FAM204A: variants seen among roughly 807,000 people sequenced by gnomAD.
The protein encoded by FAM204A is family with sequence similarity 204 member A.
Under a neutral mutation model 35.4 loss-of-function variants are expected in FAM204A, and 16 were observed. The observed-to-expected ratio is 0.45, with a 90% confidence interval of 0.31 to 0.69. The LOEUF (loss-of-function observed/expected upper bound fraction) is 0.69. FAM204A is among the 30% of genes least tolerant of loss of function. The probability of loss-of-function intolerance (pLI) is 0.07; values close to 1 mark genes in which losing one functional copy is unlikely to be tolerated. For synonymous variants in FAM204A, 76 were observed against 86.9 expected (o/e 0.88, Z 0.70); for missense variants, 240 against 265.7 (o/e 0.90, Z 0.67).
intron 6 of FAM204A, among the ~76,000 whole-genome samples, chr10:118,327,792 A>G (rs982161735): frequency 3.3e-5 from 5 of 152,208 alleles, no homozygotes; most frequent in African/African-American, 1.2e-4. Flanking sequence ...AATCAGCTTC[A>G]TGACTAAACA....
intron 7 of FAM204A, among the ~76,000 whole-genome samples, chr10:118,319,685 T>C (rs976867332): frequency 5.9e-5 from 9 of 151,952 alleles, no homozygotes; most frequent in Non-Finnish European, 1.3e-4. Context: ...TTTTATCGTA[T>C]CATGACTCTA....
intron 7 of FAM204A, among the ~76,000 whole-genome samples, chr10:118,316,768 A>G (rs1846038551): frequency 6.6e-6 from 1 of 152,106 alleles, no homozygotes. Context: ...TGCATATATG[A>G]TTCATATACT....
intron 7 of FAM204A, among the ~76,000 whole-genome samples, chr10:118,314,201 AC>A (rs1280719162): frequency 2.0e-5 from 3 of 152,234 alleles, no homozygotes; most frequent in Non-Finnish European, 2.9e-5. Context: ...ACAACTAGGT[AC>A]ATAAGCAACA....
intron 7 of FAM204A, among the ~76,000 whole-genome samples, chr10:118,322,768 T>A (rs762305465): frequency 3.3e-5 from 5 of 152,228 alleles, no homozygotes; most frequent in Middle Eastern, 6.8e-3. Context: ...TTTCTCAACT[T>A]TTTGAAAGTC....
At chr10:118,331,864 T>A (rs1043457866) in intron 6 of FAM204A, among the ~76,000 whole-genome samples, 4 of 148,570 alleles carry the variant, frequency 2.7e-5, no homozygotes, top group African/African-American at 4.9e-5. Flanking sequence ...TATATATATA[T>A]AATCATACCC....
chr10:118,326,306 C>T, intron 6 of FAM204A, 63 bp from the exon 7 acceptor site: 1 of 1,364,336 alleles, frequency 7.3e-7, no homozygotes, highest in Non-Finnish European at 1.0e-6. Flanking sequence ...CTAGCCAAGA[C>T]CATGTCACAG....
At chr10:118,311,078 G>A in intron 8 of FAM204A, 129 bp downstream of exon 8, 1 of 1,038,158 alleles carries the variant, frequency 9.6e-7, no homozygotes, top group East Asian at 2.4e-5. Flanking sequence ...TTTATAATCT[G>A]ATAAACATTC....
chr10:118,307,948 A>G lies in FAM204A; in HGVS notation c.*2909T>C, dbSNP rs1289226569. ...CAGAAACCTGTTTACGTACTGATTT[A>G]CAGTCTTGGCTGAGGTATTTAACTC... On this transcript the variant is annotated 3_prime_UTR_variant, in exon 9 of 9. Coordinates refer to ENST00000369183, the MANE Select transcript of FAM204A (RefSeq NM_022063.3). 1.3e-5 allele frequency: 2 copies of G among 152,230 alleles called. No individual in the cohort carries two copies. The allele number at this position is 152,230 out of a possible 1,614,324, so 9.4% of individuals were successfully genotyped here.
At chr10:118,313,795 C>T (rs1437292828) in intron 7 of FAM204A, among the ~76,000 whole-genome samples, 1 of 152,142 alleles carries the variant, frequency 6.6e-6, no homozygotes, top group Non-Finnish European at 1.5e-5. Context: ...CCATATTTGC[C>T]ATGTAACATT....
In FAM204A at chr10:118,308,729, G is replaced by A. The variant is rs2119783618; in HGVS notation, c.*2128C>T. On this transcript the variant is annotated 3_prime_UTR_variant, in exon 9 of 9. Transcript: ENST00000369183. The stretch of plus-strand genomic sequence containing the variant: ...AGAACCCCGAGGGGATGCTGAGGGG[G>A]CAACTGCGGGCACTGGAGCAGGCTG... 1 of 155,506 alleles carries A rather than the reference G, an allele frequency of 6.4e-6. No individual in the cohort carries two copies. The allele number at this position is 155,506 out of a possible 1,614,324, so 9.6% of individuals were successfully genotyped here.
intron 6 of FAM204A, among the ~76,000 whole-genome samples, 177 bp downstream of exon 6, chr10:118,334,937 T>C (rs1032716742): frequency 1.3e-5 from 2 of 152,220 alleles, no homozygotes; most frequent in Admixed American, 6.5e-5. Context: ...CAACCTGTTC[T>C]TTCTCTTAAC....
intron 6 of FAM204A, among the ~76,000 whole-genome samples, chr10:118,334,575 C>T (rs1846349535): frequency 6.6e-6 from 1 of 152,148 alleles, no homozygotes; most frequent in Non-Finnish European, 1.5e-5. Flanking sequence ...CATGTCATTC[C>T]CTTGACTTAA....
At chr10:118,331,168 A>G (rs946080043) in intron 6 of FAM204A, among the ~76,000 whole-genome samples, 1 of 152,176 alleles carries the variant, frequency 6.6e-6, no homozygotes, top group Non-Finnish European at 1.5e-5. Context: ...TCAGTAAGCA[A>G]TCTCATGAAA....
At position 118,311,061 on chromosome 10, in the gene FAM204A, C is replaced by T. The variant is rs1013674249; in HGVS notation, c.650+146G>A. Reference sequence around the variant, plus strand: ...AACATTAAACAGGATGAAGAAATGCCTCTATATTTATAATCTGATAAACAT... The same window carrying T: ...AACATTAAACAGGATGAAGAAATGCTTCTATATTTATAATCTGATAAACAT... On this transcript the variant is annotated intron_variant, in intron 8 of 8. Transcript: ENST00000369183. 23 of 1,025,828 alleles carry T rather than the reference C, an allele frequency of 2.2e-5. No homozygotes were observed. The African/African-American group carries it at 3.6e-4, about 16-fold the overall frequency. The allele number at this position is 1,025,828 out of a possible 1,614,324, so 63.5% of individuals were successfully genotyped here. A position where few individuals can be genotyped will look rare whatever the true frequency, so the allele number is the denominator to read the frequency against.
chr10:118,311,137 T>A, intron 8 of FAM204A, 70 bp downstream of exon 8: 1 of 1,412,432 alleles, frequency 7.1e-7, no homozygotes, highest in Admixed American at 2.0e-5. Context: ...ACGAACTAGA[T>A]CACAAAATAT....
intron 7 of FAM204A, among the ~76,000 whole-genome samples, chr10:118,320,252 AATTAATTT>A (rs1227387269): frequency 6.7e-6 from 1 of 149,948 alleles, no homozygotes; most frequent in African/African-American, 2.5e-5. Context: ...TATAATAAAA[AATTAATTT>A]ATTAAATAAA....
At chr10:118,323,559 T>C (rs1268128123) in intron 7 of FAM204A, among the ~76,000 whole-genome samples, 1 of 152,094 alleles carries the variant, frequency 6.6e-6, no homozygotes, top group Non-Finnish European at 1.5e-5. Flanking sequence ...CTGCCTTGTG[T>C]GCTTTTCAGT....
At position 118,335,123 on chromosome 10, in the gene FAM204A, T is replaced by A; in HGVS notation, c.444A>T (p.Lys148Asn). Residue 148 changes from lysine (K) to asparagine (N), a missense_variant, in exon 6 of 9, where the codon AAA (lysine) becomes AAT (asparagine). Coordinates refer to ENST00000369183, the MANE Select transcript of FAM204A (RefSeq NM_022063.3). Reference protein sequence around the residue: ...DRFDPPVKRKKVEKSGLEKRI... With the variant: ...DRFDPPVKRKNVEKSGLEKRI... ...ATAACAAAGATATTACCTTCTCAAC[T>A]TTTTTCCTTTTAACAGGCGGGTCAA... The A allele has an allele frequency of 3.7e-6, 6 of 1,610,070 alleles. No homozygotes were observed. Among genetic ancestry groups the A allele is most frequent in the Non-Finnish European group, 5.1e-6 (6 of 1,177,168 alleles).
rs1467653487 is a variant in FAM204A at position 118,319,230 on chromosome 10, T to C, written c.543+6924A>G. Among the ~76,000 whole-genome samples, 4 of 152,036 alleles carry C rather than the reference T, an allele frequency of 2.6e-5. No homozygotes were observed. In the East Asian group the frequency reaches 5.8e-4, roughly 22 times the overall value. ...TCTAGGAGAATGCCTTTAGATGTTC[T>C]CCACAATTGCTTTACAGAGCTTAGG... On this transcript the variant is annotated intron_variant, in intron 7 of 8. Coordinates refer to ENST00000369183, the MANE Select transcript of FAM204A (RefSeq NM_022063.3).
Sources: allele counts gnomAD v4.1 joint callset (sites outside exome capture counted in the v4.1 genomes callset), GRCh38; gene constraint gnomAD v4.1.1; transcripts MANE v1.5; gene names NCBI Gene and HGNC (gene_info 2026-07-23, HGNC 2026-07-21).